Variants in DMGDH observed in about 807,000 individuals in gnomAD.
DMGDH encodes dimethylglycine dehydrogenase.
DMGDH carries 76 observed loss-of-function variants against 95.2 expected under a neutral mutation model. The observed-to-expected ratio is 0.80, with a 90% confidence interval of 0.66 to 0.97. The LOEUF is 0.97. DMGDH is among the 50% of genes least tolerant of loss of function. DMGDH has a pLI of 0.00. For synonymous variants in DMGDH, 345 were observed against 377.6 expected, an observed-to-expected ratio of 0.91 and a Z score of 1.00; for missense variants, 987 against 1,055.0, an observed-to-expected ratio of 0.94 and a Z score of 0.89.
At chr5:79,017,697 T>C (rs930128865) in intron 14 of DMGDH, among the ~76,000 whole-genome samples, 1 of 152,248 alleles carries the variant, frequency 6.6e-6, no homozygotes, top group African/African-American at 2.4e-5. Context: ...CAAATACTTG[T>C]ACACAAATGT....
chr5:78,998,445 G>A (rs1580177920), intron 15 of DMGDH, 148 bp from the exon 16 acceptor site: 2 of 713,784 alleles, frequency 2.8e-6, no homozygotes, highest in East Asian at 5.4e-5. Flanking sequence ...CAGAGACACA[G>A]GAGGAAAACT....
At chr5:79,012,899 A>G (rs576633670) in intron 14 of DMGDH, among the ~76,000 whole-genome samples, 7 of 152,166 alleles carry the variant, frequency 4.6e-5, no homozygotes, top group Non-Finnish European at 1.0e-4. Context: ...TGGGGCTGTG[A>G]TGATAGGGAT....
intron 2 of DMGDH, among the ~76,000 whole-genome samples, chr5:79,062,465 G>A (rs1755238815): frequency 6.6e-6 from 1 of 150,666 alleles, no homozygotes; most frequent in Non-Finnish European, 1.5e-5. Flanking sequence ...CTCAGCCAAG[G>A]AAGGCTAATG....
At position 79,048,768 on chromosome 5, in the gene DMGDH, T is replaced by TAC. The variant is rs35837828; in HGVS notation, c.745+2517_745+2518dup. 1.7e-3 allele frequency among the ~76,000 whole-genome samples: 253 copies of TAC among 147,230 alleles called. 1 individual carries two copies. The highest frequency in any genetic ancestry group is 5.2e-3 in the South Asian group (24 of 4,654). On this transcript the variant is annotated intron_variant, in intron 5 of 15. Transcript: ENST00000255189. ...ACTTACAGATAATTAAAAACACACA[T>TAC]ACACACACACACACACACACACCCC...
At chr5:79,001,040 C>A (rs986466990) in intron 15 of DMGDH, 1 of 680,650 alleles carries the variant, frequency 1.5e-6, no homozygotes, top group Middle Eastern at 4.2e-4. Flanking sequence ...CAATGACACA[C>A]CATTCCTCGC....
intron 14 of DMGDH, among the ~76,000 whole-genome samples, chr5:79,019,136 C>G (rs1477307821): frequency 6.6e-6 from 1 of 152,086 alleles, no homozygotes; most frequent in Non-Finnish European, 1.5e-5. Context: ...GCAAAAGTAG[C>G]CTTCTTTTAC....
intron 15 of DMGDH, among the ~76,000 whole-genome samples, chr5:79,002,028 A>G (rs180957614): frequency 1.6e-3 from 245 of 152,320 alleles, no homozygotes; most frequent in South Asian, 5.0e-3. Flanking sequence ...TTCTTTGTTA[A>G]AACAAACATT....
chr5:79,022,211 TCTC>T (rs200253724), intron 14 of DMGDH, among the ~76,000 whole-genome samples: 2,041 of 152,298 alleles, frequency 0.013, 61 homozygotes, highest in Admixed American at 0.075. Flanking sequence ...TTGCTTCTGT[TCTC>T]CTATAGCATC....
intron 14 of DMGDH, among the ~76,000 whole-genome samples, chr5:79,009,360 C>CTTTTTTTTTTTTTTT (rs372464439): frequency 3.7e-5 from 4 of 107,742 alleles, no homozygotes; most frequent in African/African-American, 1.0e-4. Flanking sequence ...CTTTTCTTTT[C>CTTTTTTTTTTTTTTT]TTTTCTTTTT....
At chr5:79,035,456 A>G (rs1345211479) in intron 7 of DMGDH, among the ~76,000 whole-genome samples, 2 of 152,216 alleles carry the variant, frequency 1.3e-5, no homozygotes, top group African/African-American at 4.8e-5. Context: ...AAAGTCACAC[A>G]GCAGTAAAGA....
At chr5:79,033,813 T>C (rs1442226563) in intron 7 of DMGDH, among the ~76,000 whole-genome samples, 3 of 152,034 alleles carry the variant, frequency 2.0e-5, no homozygotes, top group Admixed American at 2.0e-4. Flanking sequence ...GAGACTGTGG[T>C]CCCAGGTACA....
intron 7 of DMGDH, among the ~76,000 whole-genome samples, chr5:79,039,581 T>A (rs62377935): frequency 0.21 from 32,329 of 151,802 alleles, 3,542 homozygotes; most frequent in African/African-American, 0.26. Context: ...TGGGGAGGGA[T>A]AACATTAGGA....
chr5:79,028,595 TTA>T lies in DMGDH; in HGVS notation c.1868_1869del (p.Ile623AsnfsTer2). ...KGGYDVEIKN[I>X]TDELGVLGVA... is the part of the protein sequence containing the mutation. ...ACTCCAAGAACTCCAAGCTCATCAG[TTA>T]TGTTTTTAATTTCAACATCATATCC... On this transcript the variant is annotated frameshift_variant, in exon 12 of 16. Coordinates refer to ENST00000255189, the MANE Select transcript of DMGDH (RefSeq NM_013391.3). LOFTEE classifies it high-confidence loss of function. 5 of 1,614,180 alleles carry T rather than the reference TTA, an allele frequency of 3.1e-6. No homozygotes were observed. The highest frequency in any genetic ancestry group is 4.2e-6 in the Non-Finnish European group (5 of 1,180,022).
chr5:79,060,948 T>C (rs998832413), intron 2 of DMGDH, among the ~76,000 whole-genome samples: 6 of 144,304 alleles, frequency 4.2e-5, no homozygotes, highest in African/African-American at 1.3e-4. Flanking sequence ...GCGGCCAGGC[T>C]TAGTGGCTCA....
At chr5:79,021,416 A>G in intron 14 of DMGDH, 1 of 1,188,992 alleles carries the variant, frequency 8.4e-7, no homozygotes, top group East Asian at 5.8e-5. Flanking sequence ...TACTAGATGA[A>G]CGGATGAATG....
At chr5:79,027,302 G>A (rs1173456098) in intron 12 of DMGDH, among the ~76,000 whole-genome samples, 1 of 152,080 alleles carries the variant, frequency 6.6e-6, no homozygotes, top group Non-Finnish European at 1.5e-5. Flanking sequence ...TGGGATTACA[G>A]GTATGAGCCA....
chr5:79,038,417 G>A (rs1754408343), intron 7 of DMGDH, among the ~76,000 whole-genome samples: 1 of 152,130 alleles, frequency 6.6e-6, no homozygotes, highest in Non-Finnish European at 1.5e-5. Context: ...CCGGGAGGTG[G>A]AGGTTGCAGT....
intron 2 of DMGDH, among the ~76,000 whole-genome samples, chr5:79,059,446 A>C (rs1197623777): frequency 6.6e-6 from 1 of 152,212 alleles, no homozygotes; most frequent in Non-Finnish European, 1.5e-5. Flanking sequence ...GTTTCTCTTC[A>C]CATTTGACTA....
chr5:79,009,552 G>A (rs1156745239), intron 14 of DMGDH, among the ~76,000 whole-genome samples: 3 of 152,032 alleles, frequency 2.0e-5, no homozygotes, highest in Non-Finnish European at 4.4e-5. Context: ...TAGAGATGGG[G>A]TTTTGCCATG....
Sources: gnomAD v4.1 joint callset for allele counts (sites outside exome capture counted in the v4.1 genomes callset) on GRCh38, gnomAD v4.1.1 for gene constraint, MANE v1.5 for transcripts, NCBI Gene and HGNC (gene_info 2026-07-23, HGNC 2026-07-21) for gene names.